Variants in CENPT observed in about 807,000 individuals in gnomAD.
CENPT encodes the protein interphase centromere complex protein 22.
Under a neutral mutation model 59.7 loss-of-function variants are expected in CENPT, and 42 were observed. The observed-to-expected ratio is 0.70, with a 90% CI of 0.55 to 0.91. The LOEUF (loss-of-function observed/expected upper bound fraction) is 0.91. Ranked by LOEUF, CENPT falls within the 40% of genes least tolerant of loss-of-function variation. The probability of loss-of-function intolerance (pLI) is 0.00; values close to 1 mark genes in which losing one functional copy is unlikely to be tolerated. For synonymous variants in CENPT, 295 were observed against 289.6 expected, an observed-to-expected ratio of 1.02 and a Z score of -0.19; for missense variants, 716 against 713.4, an observed-to-expected ratio of 1.00 and a Z score of -0.04.
At chr16:67,841,121 G>C (rs1025150801) in intron 1 of CENPT, among the ~76,000 whole-genome samples, 1 of 129,806 alleles carries the variant, frequency 7.7e-6, no homozygotes, top group Non-Finnish European at 1.6e-5. Flanking sequence ...CTTGAACCCA[G>C]GAGGCGGAGG....
intron 1 of CENPT, 176 bp downstream of exon 1, chr16:67,847,225 C>G (rs922053906): frequency 2.6e-5 from 4 of 152,252 alleles, no homozygotes; most frequent in Non-Finnish European, 1.5e-5. Context: ...TGGGCCGTAC[C>G]GTGCTGGTGG....
chr16:67,831,463 G>A, intron 9 of CENPT, 105 bp from the exon 10 acceptor site: 6 of 1,570,032 alleles, frequency 3.8e-6, no homozygotes, highest in Non-Finnish European at 5.2e-6. Context: ...AACAGATGCT[G>A]TGAGGCTAAA....
At chr16:67,839,600 C>T (rs1191793020) in intron 1 of CENPT, among the ~76,000 whole-genome samples, 1 of 151,904 alleles carries the variant, frequency 6.6e-6, no homozygotes, top group East Asian at 1.9e-4. Flanking sequence ...AGGCTGGGCA[C>T]GGTAGCTCAC....
At chr16:67,836,499 C>T (rs763772604) in intron 1 of CENPT, among the ~76,000 whole-genome samples, 27 of 148,142 alleles carry the variant, frequency 1.8e-4, no homozygotes, top group Admixed American at 7.4e-4. Context: ...TGTAGTGGTG[C>T]GATCTCAGCT....
rs907208698 is a variant in CENPT at position 67,833,809 on chromosome 16, T to G, written c.51A>C (p.Arg17=). The change falls in exon 4 of 16, where the codon CGA becomes CGC. Residue 17 remains arginine, a synonymous_variant. Transcript: ENST00000562787. ...GCGGGTCCGCTGTATCCAGCACGCG[T>G]CGCAGCAGCGTGCGCGGCGTGGAGT... ...DSDSTPRTLL[R]RVLDTADPRT... 6.3e-7 allele frequency: 1 copy of G among 1,577,496 alleles called. No individual in the cohort carries two copies. Among genetic ancestry groups the G allele is most frequent in the Non-Finnish European group, 8.6e-7 (1 of 1,164,154 alleles).
chr16:67,830,580 T>C, intron 10 of CENPT, 32 bp from the exon 11 acceptor site: 1 of 1,608,688 alleles, frequency 6.2e-7, no homozygotes, highest in Non-Finnish European at 8.5e-7. Flanking sequence ...GTTCTGAGGC[T>C]GTCACCTGGA....
rs1260635532 is a variant in CENPT, at chr16:67,829,304, A to G, written c.1280+119T>C. 1.4e-5 allele frequency: 11 copies of G among 794,378 alleles called. No homozygotes were observed. In the African/African-American group the frequency reaches 1.8e-4, roughly 13 times the overall value. The allele number at this position is 794,378 out of a possible 1,614,324, so 49.2% of individuals were successfully genotyped here. On this transcript the variant is annotated intron_variant, in intron 13 of 15. Coordinates refer to ENST00000562787, the MANE Select transcript of CENPT (RefSeq NM_025082.4). ...GGTGAGCTCTCCCCAGCCCAGCTGA[A>G]GCTGCCCTGCTGGGTAATCATCTGC... is the stretch of plus-strand genomic sequence containing the variant.
At chr16:67,844,077 A>G (rs995597670) in intron 1 of CENPT, 1 of 167,104 alleles carries the variant, frequency 6.0e-6, no homozygotes, top group African/African-American at 2.4e-5. Flanking sequence ...CCAGGGACTT[A>G]GGTTTATCCT....
chr16:67,841,801 C>T (rs2057762859), intron 1 of CENPT: 1 of 152,252 alleles, frequency 6.6e-6, no homozygotes, highest in Non-Finnish European at 1.5e-5. Context: ...AAGAAAGGGG[C>T]TCCTGAGACC....
At position 67,843,053 on chromosome 16, in the gene CENPT, A is replaced by C. The variant is rs752567394; in HGVS notation, c.-492+4348T>G. On this transcript the variant is annotated intron_variant, in intron 1 of 15. Coordinates refer to ENST00000562787, the MANE Select transcript of CENPT (RefSeq NM_025082.4). The surrounding 1 kb of genome is among the most constrained non-coding windows in gnomAD (Gnocchi z 5.7). ...CACCCTTCAGGCCACTGTAGACAGC[A>C]GTCAGGCTCCGGGATCCGTACAGCC... 3.2e-5 allele frequency: 52 copies of C among 1,612,164 alleles called. No homozygotes were observed. Among genetic ancestry groups the C allele is most frequent in the Non-Finnish European group, 4.1e-5 (48 of 1,180,032 alleles).
chr16:67,835,919 G>C (rs2057732564), intron 1 of CENPT, among the ~76,000 whole-genome samples: 1 of 151,886 alleles, frequency 6.6e-6, no homozygotes, highest in East Asian at 1.9e-4. Flanking sequence ...ACCACGCCCA[G>C]CTAATTTTTG....
chr16:67,830,088 C>T lies in CENPT; in HGVS notation c.863G>A (p.Ser288Asn), dbSNP rs763081481. The T allele has an allele frequency of 3.1e-6, 5 of 1,613,826 alleles. No homozygotes were observed. Among genetic ancestry groups the T allele is most frequent in the Non-Finnish European group, 4.2e-6 (5 of 1,179,906 alleles). Residue 288 changes from serine to asparagine, a missense_variant and splice_region_variant, in exon 12 of 16, where the codon AGC becomes AAC. Coordinates refer to ENST00000562787, the MANE Select transcript of CENPT (RefSeq NM_025082.4). The part of the protein sequence containing the change: ...QSSGPGLQKN[S>N]PGKPAQFLAG... Reference sequence around the variant, plus strand: ...CAGAAACTGGGCTGGTTTCCCAGGGCCTGAGTGAAGGGGAGAGAATACAGG... The same window carrying T: ...CAGAAACTGGGCTGGTTTCCCAGGGTCTGAGTGAAGGGGAGAGAATACAGG...
chr16:67,841,146 G>T (rs1352923484), intron 1 of CENPT, among the ~76,000 whole-genome samples: 2 of 106,322 alleles, frequency 1.9e-5, no homozygotes, highest in Admixed American at 2.8e-4. Flanking sequence ...GGTGAGCCGA[G>T]ATCTCACCAT....
chr16:67,833,714 T>G (rs972808702), intron 4 of CENPT, 36 bp downstream of exon 4: 2 of 1,315,102 alleles, frequency 1.5e-6, no homozygotes, highest in South Asian at 1.5e-5. Context: ...CCGGTCCCTC[T>G]AGTTGCTCAA....
Position 67,832,511 on chromosome 16 carries a change from T to C in CENPT, c.145A>G (p.Arg49Gly), listed in dbSNP as rs375656381. The part of the protein sequence containing the change: ...RRALLETASP[R>G]KLSGQTRTIA... ...GTCCTTGTTTGGCCACTCAACTTCCTGGGGGAAGCCGTTTCAAGCAGGGCT... is the reference window on the plus strand; with the variant it reads ...GTCCTTGTTTGGCCACTCAACTTCCCGGGGGAAGCCGTTTCAAGCAGGGCT... Residue 49 changes from arginine (R) to glycine (G), a missense_variant, in exon 5 of 16, where the codon AGG becomes GGG. Coordinates refer to ENST00000562787, the MANE Select transcript of CENPT (RefSeq NM_025082.4). 2 of 1,614,122 alleles carry C rather than the reference T, an allele frequency of 1.2e-6. No homozygotes were observed. The highest frequency in any genetic ancestry group is 1.6e-4 in the Middle Eastern group (1 of 6,062).
intron 1 of CENPT, among the ~76,000 whole-genome samples, chr16:67,835,904 G>A (rs1025755760): frequency 4.0e-5 from 6 of 151,364 alleles, no homozygotes; most frequent in Admixed American, 1.3e-4. Context: ...TTACAGGCTG[G>A]CACCACCACG....
chr16:67,845,541 C>T (rs150833932), intron 1 of CENPT, among the ~76,000 whole-genome samples: 2 of 152,186 alleles, frequency 1.3e-5, no homozygotes, highest in Admixed American at 1.3e-4. Flanking sequence ...CACATCTTCC[C>T]GGTCGGAGCA....
intron 1 of CENPT, among the ~76,000 whole-genome samples, chr16:67,839,070 T>C (rs1319788546): frequency 6.6e-6 from 1 of 151,596 alleles, no homozygotes; most frequent in Admixed American, 6.6e-5. Context: ...GCCCAACATG[T>C]TGAAACTCCA....
At chr16:67,831,923 G>A (rs1457824194) in intron 7 of CENPT, 33 bp from the exon 8 acceptor site, 2 of 1,602,732 alleles carry the variant, frequency 1.2e-6, no homozygotes, top group Admixed American at 1.8e-5. Context: ...AGACAGGCCA[G>A]GAAGTCCAAT....
Sources: allele counts gnomAD v4.1 joint callset (sites outside exome capture counted in the v4.1 genomes callset), GRCh38; gene constraint gnomAD v4.1.1; non-coding constraint Gnocchi (gnomAD v3.1); transcripts MANE v1.5; gene names NCBI Gene and HGNC (gene_info 2026-07-23, HGNC 2026-07-21).